Variants in TFAP2A observed in about 807,000 individuals in gnomAD.
The protein encoded by TFAP2A is transcription factor AP-2 alpha, also known as transcription factor AP-2-alpha.
Under a neutral mutation model 41.5 loss-of-function variants are expected in TFAP2A, and 7 were observed. That is an observed-to-expected ratio of 0.17 (90% confidence interval 0.10 to 0.32). The LOEUF (loss-of-function observed/expected upper bound fraction) is 0.32. Among genes scored for constraint, TFAP2A ranks in the 10% least tolerant of loss-of-function variants. The pLI is 1.00. For missense variants in TFAP2A, 416 were observed against 563.3 expected, an observed-to-expected ratio of 0.74 and a Z score of 2.65; for synonymous variants, 247 against 242.8, an observed-to-expected ratio of 1.02 and a Z score of -0.16.
At chr6:10,414,771 C>T in intron 1 of TFAP2A, 170 bp downstream of exon 1, 3 of 890,518 alleles carry the variant, frequency 3.4e-6, no homozygotes, top group South Asian at 2.9e-5. Context: ...CGTCCTCTCT[C>T]TGCAGCTTCT....
Position 10,402,551 on chromosome 6 carries a change from T to A in TFAP2A, c.830A>T (p.Asn277Ile). 6.2e-7 allele frequency: 1 copy of A among 1,614,188 alleles called. No homozygotes were observed. The highest frequency in any genetic ancestry group is 8.5e-7 in the Non-Finnish European group (1 of 1,180,018). ...AGCTTTACGTCTCCCTGCAGGCAGA[T>A]TTAATCCTATTTTGTCCAGTTTTTC... ...LREKLDKIGL[N>I]LPAGRRKAAN... Residue 277 changes from asparagine (N) to isoleucine (I), a missense_variant, in exon 5 of 7, where the codon AAT (asparagine) becomes ATT (isoleucine). Transcript: ENST00000379613.
At chr6:10,414,855 G>A (rs1758176252) in intron 1 of TFAP2A, 86 bp downstream of exon 1, 4 of 1,579,016 alleles carry the variant, frequency 2.5e-6, no homozygotes, top group Non-Finnish European at 1.7e-6. Context: ...GCGTTTCGCA[G>A]CTGGTTGCAA....
chr6:10,406,992 C>A, intron 2 of TFAP2A, 148 bp from the exon 3 acceptor site: 2 of 715,750 alleles, frequency 2.8e-6, no homozygotes, highest in South Asian at 3.2e-5. Context: ...CTCATCTTGG[C>A]TTATTGGAAT....
At chr6:10,415,370 C>G, upstream of TFAP2A, 1 of 960,688 alleles carries the variant, frequency 1.0e-6, no homozygotes. Flanking sequence ...CCGCCGGCCG[C>G]TCCGACACAG....
At chr6:10,401,860 G>C (rs1367432469) in intron 5 of TFAP2A, among the ~76,000 whole-genome samples, 2 of 152,156 alleles carry the variant, frequency 1.3e-5, no homozygotes, top group African/African-American at 4.8e-5. Context: ...ATAAGGGTTG[G>C]CTTTTTGTTT....
At chr6:10,407,646 A>C (rs1377761755) in intron 2 of TFAP2A, 1 of 152,188 alleles carries the variant, frequency 6.6e-6, no homozygotes, top group East Asian at 1.9e-4. Context: ...AATTAGCACC[A>C]GGGCTGCTGA....
chr6:10,411,578 A>G, intron 1 of TFAP2A: 1 of 1,614,034 alleles, frequency 6.2e-7, no homozygotes, highest in Non-Finnish European at 8.5e-7. Context: ...ACCATGGCTG[A>G]AAAACTGTGA....
At chr6:10,404,864 G>C in intron 3 of TFAP2A, 125 bp from the exon 4 acceptor site, 1 of 818,018 alleles carries the variant, frequency 1.2e-6, no homozygotes, top group Admixed American at 2.4e-5. Context: ...CCGCTTTTCC[G>C]TCCGGCTCTG....
Position 10,398,390 on chromosome 6 carries a change from T to TGGGAG in TFAP2A, c.*22_*26dup. On this transcript the variant is annotated 3_prime_UTR_variant, in exon 7 of 7. Coordinates refer to ENST00000379613, the MANE Select transcript of TFAP2A (RefSeq NM_001372066.1). This position sits in a 1 kb window ranked among gnomAD's most constrained non-coding sequence, Gnocchi z 5.3. The stretch of plus-strand genomic sequence containing the variant: ...GGGCGCGCGGGGGGCTGGTGAGGCG[T>TGGGAG]GGGAGGGGCGGGGCGGGAGGAGAGC... The TGGGAG allele has an allele frequency of 1.2e-6, 1 of 843,114 alleles. No homozygotes were observed. Among genetic ancestry groups the TGGGAG allele is most frequent in the Non-Finnish European group, 1.5e-6 (1 of 650,980 alleles). The allele number at this position is 843,114 out of a possible 1,614,324, so 52.2% of individuals were successfully genotyped here. A position where few individuals can be genotyped will look rare whatever the true frequency, so the allele number is the denominator to read the frequency against.
chr6:10,398,572 C>T lies in TFAP2A; in HGVS notation c.1165G>A (p.Gly389Ser). ...ACCGCGGCACACACCGCGGGGCTGC[C>T]GAAGCCGTGGGAGATGAGGTTGAAG... ...THFNLISHGFGSPAVCAAVTA... is the reference protein window; with the variant it reads ...THFNLISHGFSSPAVCAAVTA... Residue 389 changes from glycine to serine, a missense_variant, in exon 7 of 7, where the codon GGC (glycine) becomes AGC (serine). By Grantham distance (56) the Gly-to-Ser change is moderately conservative. Transcript: ENST00000379613. The surrounding 1 kb of genome is among the most constrained non-coding windows in gnomAD (Gnocchi z 5.3). 4 of 1,614,194 alleles carry T rather than the reference C, an allele frequency of 2.5e-6. No homozygotes were observed. The highest frequency in any genetic ancestry group is 3.4e-6 in the Non-Finnish European group (4 of 1,180,036).
Position 10,402,592 on chromosome 6 carries a change from T to A in TFAP2A, c.789A>T (p.Gly263=). ...GVLRRAKSKN[G]GRSLREKLDK... ...CCAGTTTTTCTCTTAAAGATCTTCC[T>A]CCATTTTTAGACTTCGCCCTGTTTC... Residue 263 remains glycine (G), a synonymous_variant, in exon 5 of 7, where the codon GGA becomes GGT. Transcript: ENST00000379613. 6.2e-7 allele frequency: 1 copy of A among 1,613,834 alleles called. No homozygotes were observed. The highest frequency in any genetic ancestry group is 1.1e-5 in the South Asian group (1 of 91,078).
chr6:10,403,309 T>C (rs1181918834), intron 4 of TFAP2A, among the ~76,000 whole-genome samples: 1 of 152,228 alleles, frequency 6.6e-6, no homozygotes, highest in Non-Finnish European at 1.5e-5. Flanking sequence ...TGCTCTTTAA[T>C]TGTGTGGATT....
intron 2 of TFAP2A, chr6:10,407,284 G>C (rs758275679): frequency 1.8e-5 from 4 of 224,834 alleles, no homozygotes; most frequent in Admixed American, 5.3e-5. Flanking sequence ...GGAGTAACAG[G>C]AGAGTGTTGG....
At chr6:10,418,512 C>T (rs1561720508), upstream of TFAP2A, 1 of 152,288 alleles carries the variant, frequency 6.6e-6, no homozygotes, top group Admixed American at 6.5e-5. Context: ...AAATCGGCGA[C>T]AGGCAGAGCC....
chr6:10,408,047 A>C (rs1294647237), intron 2 of TFAP2A: 1 of 152,214 alleles, frequency 6.6e-6, no homozygotes, highest in East Asian at 1.9e-4. Context: ...TATTTGTGTT[A>C]TTTCTAGACC....
At chr6:10,411,420 A>G in intron 1 of TFAP2A, 1 of 1,317,534 alleles carries the variant, frequency 7.6e-7, no homozygotes, top group Non-Finnish European at 1.1e-6. Context: ...AGCGAGAGAA[A>G]GGCGGAAGGT....
intron 4 of TFAP2A, 95 bp downstream of exon 4, chr6:10,404,413 G>T: frequency 2.3e-6 from 2 of 874,664 alleles, no homozygotes; most frequent in Non-Finnish European, 3.1e-6. Context: ...GGGCCGCGGC[G>T]CGAGGCCTGT....
At chr6:10,417,651 G>A (rs1238882472), upstream of TFAP2A, among the ~76,000 whole-genome samples, 1 of 152,200 alleles carries the variant, frequency 6.6e-6, no homozygotes, top group Non-Finnish European at 1.5e-5. Context: ...GTCACAAAGA[G>A]AAAGAGACAG....
intron 2 of TFAP2A, chr6:10,409,223 C>T (rs1757843888): frequency 6.6e-6 from 1 of 152,152 alleles, no homozygotes; most frequent in Admixed American, 6.5e-5. Flanking sequence ...TAATGTATTA[C>T]CCAATAGTCT....
Sources: allele counts gnomAD v4.1 joint callset (sites outside exome capture counted in the v4.1 genomes callset), GRCh38; gene constraint gnomAD v4.1.1; non-coding constraint Gnocchi (gnomAD v3.1); transcripts MANE v1.5; gene names NCBI Gene and HGNC (gene_info 2026-07-23, HGNC 2026-07-21).